The following ZFHX3 variants were observed in gnomAD, a reference collection of about 807,000 sequenced individuals.
The protein encoded by ZFHX3 is zinc finger homeobox protein 3.
A neutral mutation model predicts 279.1 loss-of-function variants in ZFHX3; 42 were observed. The ratio of observed to expected loss-of-function variants is 0.15; its 90% CI spans 0.12 to 0.19. ZFHX3 has a LOEUF of 0.19. Ranked by LOEUF, ZFHX3 falls within the 10% of genes least tolerant of loss-of-function variation. ZFHX3 has a pLI of 1.00. For synonymous variants in ZFHX3, 2,293 were observed against 1,957.8 expected, an observed-to-expected ratio of 1.17 and a Z score of -4.52; for missense variants, 4,981 against 4,754.0, an observed-to-expected ratio of 1.05 and a Z score of -1.40.
intron 1 of ZFHX3, among the ~76,000 whole-genome samples, chr16:73,865,649 G>T (rs954584012): frequency 4.6e-5 from 7 of 152,096 alleles, no homozygotes; most frequent in Non-Finnish European, 8.8e-5. Flanking sequence ...AATCTGAACT[G>T]CCGTGACTCA....
At chr16:73,695,555 T>C (rs1278158663) in intron 1 of ZFHX3, among the ~76,000 whole-genome samples, 2 of 152,182 alleles carry the variant, frequency 1.3e-5, no homozygotes, top group East Asian at 3.9e-4. Flanking sequence ...TGGCGTTGAG[T>C]CCAGGTCTTT....
intron 2 of ZFHX3, among the ~76,000 whole-genome samples, chr16:73,568,975 C>T (rs945866270): frequency 1.1e-4 from 17 of 152,048 alleles, no homozygotes; most frequent in African/African-American, 4.1e-4. Context: ...CACAGCTAAA[C>T]TTCTCCAGCC....
chr16:72,985,102 T>C (rs1169958288), intron 1 of ZFHX3, among the ~76,000 whole-genome samples: 1 of 152,138 alleles, frequency 6.6e-6, no homozygotes, highest in Admixed American at 6.5e-5. Flanking sequence ...CACTTAATAC[T>C]ACGTAATCTC....
chr16:72,851,778 T>C (rs1029251850), intron 4 of ZFHX3, among the ~76,000 whole-genome samples: 1 of 152,172 alleles, frequency 6.6e-6, no homozygotes, highest in African/African-American at 2.4e-5. Flanking sequence ...CTCAAACTCC[T>C]GACCCCAAGT....
intron 7 of ZFHX3, among the ~76,000 whole-genome samples, chr16:73,105,558 G>T (rs1349609928): frequency 6.6e-6 from 1 of 151,468 alleles, no homozygotes; most frequent in African/African-American, 2.4e-5. Context: ...TTCAAGACCC[G>T]CCTGGCCAAC....
At chr16:73,777,760 A>G (rs1959306857) in intron 1 of ZFHX3, among the ~76,000 whole-genome samples, 1 of 152,144 alleles carries the variant, frequency 6.6e-6, no homozygotes, top group Non-Finnish European at 1.5e-5. Context: ...TCTGGGTGAC[A>G]TGTTATCTCC....
chr16:73,002,698 C>A (rs1963544828), intron 1 of ZFHX3, among the ~76,000 whole-genome samples: 1 of 152,072 alleles, frequency 6.6e-6, no homozygotes, highest in African/African-American at 2.4e-5. Flanking sequence ...AGCTAAGTAG[C>A]CTAAGGACAT....
At chr16:73,788,693 G>A (rs891799076) in intron 1 of ZFHX3, among the ~76,000 whole-genome samples, 3 of 151,324 alleles carry the variant, frequency 2.0e-5, no homozygotes, top group African/African-American at 4.8e-5. Context: ...CTACAAAATG[G>A]GAATGTAGGG....
At chr16:73,082,298 C>G (rs556497093) in intron 8 of ZFHX3, among the ~76,000 whole-genome samples, 81 of 152,146 alleles carry the variant, frequency 5.3e-4, no homozygotes, top group African/African-American at 1.9e-3. Context: ...GAGGGAGTCT[C>G]TCTATGTTGC....
At chr16:73,394,416 C>T (rs1381788170) in intron 3 of ZFHX3, among the ~76,000 whole-genome samples, 2 of 152,056 alleles carry the variant, frequency 1.3e-5, no homozygotes, top group Non-Finnish European at 2.9e-5. Context: ...GTGCCTCATC[C>T]TCCCAAGTAG....
chr16:73,235,414 A>G (rs1336866734), intron 5 of ZFHX3, among the ~76,000 whole-genome samples: 2 of 152,272 alleles, frequency 1.3e-5, no homozygotes, highest in Middle Eastern at 3.4e-3. Context: ...CTCTATCCTC[A>G]GAAACAAACT....
chr16:73,682,912 GAAAGAGAGAA>G (rs1567550581), intron 1 of ZFHX3, among the ~76,000 whole-genome samples: 3 of 19,480 alleles, frequency 1.5e-4, no homozygotes, highest in Admixed American at 6.4e-4. Flanking sequence ...GAAAGAGAAA[GAAAGAGAGAA>G]AGAGAAAGAA....
At chr16:73,625,600 G>T (rs2052407736) in intron 2 of ZFHX3, among the ~76,000 whole-genome samples, 1 of 152,222 alleles carries the variant, frequency 6.6e-6, no homozygotes, top group South Asian at 2.1e-4. Flanking sequence ...GTGTTTCTGT[G>T]GTTTAGATAA....
chr16:73,789,547 C>A (rs1447773126), intron 1 of ZFHX3, among the ~76,000 whole-genome samples: 2 of 152,146 alleles, frequency 1.3e-5, no homozygotes, highest in Non-Finnish European at 2.9e-5. Flanking sequence ...TCAAAACACA[C>A]TGATGTCTGG....
intron 1 of ZFHX3, among the ~76,000 whole-genome samples, chr16:73,787,484 C>A (rs1959682556): frequency 6.6e-6 from 1 of 152,158 alleles, no homozygotes; most frequent in Non-Finnish European, 1.5e-5. Context: ...CATGGCCTGG[C>A]ATGTTCTGTG....
At chr16:73,473,101 G>A (rs2018697643) in intron 2 of ZFHX3, among the ~76,000 whole-genome samples, 1 of 151,672 alleles carries the variant, frequency 6.6e-6, no homozygotes. Context: ...ACCACTTTGG[G>A]AGGCTGAGGT....
intron 3 of ZFHX3, among the ~76,000 whole-genome samples, chr16:72,902,558 C>T (rs1304448123): frequency 6.6e-6 from 1 of 152,226 alleles, no homozygotes; most frequent in East Asian, 1.9e-4. Context: ...AATAGATTAA[C>T]AGAAAACAAC....
chr16:73,224,727 A>T (rs1944038911), intron 5 of ZFHX3, among the ~76,000 whole-genome samples: 1 of 152,228 alleles, frequency 6.6e-6, no homozygotes, highest in African/African-American at 2.4e-5. Flanking sequence ...AGGCTCATGT[A>T]TGGAAACCTG....
At chr16:73,687,858 A>C (rs939427337) in intron 1 of ZFHX3, among the ~76,000 whole-genome samples, 3 of 150,804 alleles carry the variant, frequency 2.0e-5, no homozygotes, top group Non-Finnish European at 4.4e-5. Flanking sequence ...AAAAAAAAAA[A>C]AAAAAAAAAA....
Sources: allele counts gnomAD v4.1 joint callset (sites outside exome capture counted in the v4.1 genomes callset), GRCh38; gene constraint gnomAD v4.1.1; transcripts MANE v1.5; gene names NCBI Gene and HGNC (gene_info 2026-07-23, HGNC 2026-07-21).